The following PEAK1 variants were observed in gnomAD, a reference collection of about 807,000 sequenced individuals.
PEAK1 encodes the protein inactive tyrosine-protein kinase PEAK1.
A neutral mutation model predicts 124.7 loss-of-function variants in PEAK1; 54 were observed. That is an observed-to-expected ratio of 0.43 (90% confidence interval 0.35 to 0.54). PEAK1 has a LOEUF of 0.54. Among genes scored for constraint, PEAK1 ranks in the 20% least tolerant of loss-of-function variants. The pLI is 0.01. For missense variants in PEAK1, 2,046 were observed against 2,134.5 expected, an observed-to-expected ratio of 0.96 and a Z score of 0.82; for synonymous variants, 719 against 760.0, an observed-to-expected ratio of 0.95 and a Z score of 0.89.
intron 6 of PEAK1, among the ~76,000 whole-genome samples, chr15:77,198,674 G>A (rs1344577820): frequency 1.3e-5 from 2 of 152,252 alleles, no homozygotes; most frequent in East Asian, 3.9e-4. Flanking sequence ...TATAAGAAAG[G>A]TATACTTAGA....
intron 7 of PEAK1, among the ~76,000 whole-genome samples, chr15:77,159,111 G>C (rs1475181921): frequency 2.6e-5 from 4 of 152,100 alleles, no homozygotes; most frequent in Non-Finnish European, 5.9e-5. Context: ...TTACTACATA[G>C]TTTTAATTTA....
intron 6 of PEAK1, among the ~76,000 whole-genome samples, chr15:77,234,782 T>C (rs1223318128): frequency 2.0e-5 from 3 of 152,084 alleles, no homozygotes; most frequent in African/African-American, 2.4e-5. Context: ...ACTACAGGTA[T>C]GGACCACCAT....
chr15:77,343,841 A>G (rs2066701622), intron 2 of PEAK1, among the ~76,000 whole-genome samples: 1 of 152,120 alleles, frequency 6.6e-6, no homozygotes, highest in African/African-American at 2.4e-5. Flanking sequence ...AGAAATCACT[A>G]CAAATTCAAT....
chr15:77,162,819 A>G (rs555708094), intron 7 of PEAK1, among the ~76,000 whole-genome samples: 1 of 152,336 alleles, frequency 6.6e-6, no homozygotes, highest in African/African-American at 2.4e-5. Flanking sequence ...GATGGTAAAA[A>G]AATTATTTAG....
At chr15:77,262,726 T>C (rs2061506698) in intron 5 of PEAK1, among the ~76,000 whole-genome samples, 1 of 151,304 alleles carries the variant, frequency 6.6e-6, no homozygotes, top group Non-Finnish European at 1.5e-5. Flanking sequence ...TACGCAGGAA[T>C]TGAACTCAGC....
At chr15:77,252,935 C>G (rs2060945133) in intron 5 of PEAK1, among the ~76,000 whole-genome samples, 1 of 152,192 alleles carries the variant, frequency 6.6e-6, no homozygotes, top group Admixed American at 6.5e-5. Context: ...ATATTGAAAG[C>G]AGGTATCTCC....
At position 77,381,120 on chromosome 15, in the gene PEAK1, T is replaced by C. The variant is rs183053180; in HGVS notation, c.-665-15895A>G. 15 of 712,568 alleles carry C rather than the reference T, an allele frequency of 2.1e-5. No homozygotes were observed. The African/African-American group carries it at 2.3e-4, about 11-fold the overall frequency. 44.1% of individuals were successfully genotyped at this position (712,568 alleles called of 1,614,324 possible). On this transcript the variant is annotated intron_variant, in intron 1 of 9. Transcript: ENST00000682557. Reference sequence around the variant, plus strand: ...GAACCCAAACAGCAAAATGCTACTATGGAGTTTTAAATAATGGAGTAACAT... The same window carrying C: ...GAACCCAAACAGCAAAATGCTACTACGGAGTTTTAAATAATGGAGTAACAT...
intron 2 of PEAK1, among the ~76,000 whole-genome samples, chr15:77,344,096 G>GT (rs967376767): frequency 2.0e-5 from 3 of 151,960 alleles, no homozygotes; most frequent in Admixed American, 1.3e-4. Context: ...TTGGCTGTCT[G>GT]TTTTTTTGTT....
At position 77,112,538 on chromosome 15, in the gene PEAK1, C is replaced by A. The variant is rs767872096; in HGVS notation, c.*1618G>T. The stretch of plus-strand genomic sequence containing the variant: ...CCTCTACTTCCAGCATGCGTGTGCA[C>A]GCACACATGGGCACACAAGTGTACA... On this transcript the variant is annotated 3_prime_UTR_variant, in exon 10 of 10. Transcript: ENST00000682557. 6.6e-6 allele frequency: 1 copy of A among 152,250 alleles called. No homozygotes were observed. Among genetic ancestry groups the A allele is most frequent in the Non-Finnish European group, 1.5e-5 (1 of 68,052 alleles). 9.4% of individuals were successfully genotyped at this position (152,250 alleles called of 1,614,324 possible).
chr15:77,302,426 C>A (rs761650327), intron 2 of PEAK1, among the ~76,000 whole-genome samples: 3 of 152,140 alleles, frequency 2.0e-5, no homozygotes, highest in Non-Finnish European at 2.9e-5. Context: ...TTACCTGTAA[C>A]CAACACTACA....
downstream of PEAK1, chr15:77,107,985 T>C (rs1417449091): frequency 6.6e-6 from 1 of 152,248 alleles, no homozygotes; most frequent in Non-Finnish European, 1.5e-5. Flanking sequence ...ATAATCCATG[T>C]CAGCAGGGGA....
rs181691533 is a variant in PEAK1 at position 77,195,440 on chromosome 15, C to T, written c.-114-13400G>A. 1.2e-4 allele frequency among the ~76,000 whole-genome samples: 18 copies of T among 152,002 alleles called. No individual in the cohort carries two copies. In the East Asian group the frequency reaches 3.3e-3, roughly 28 times the overall value. On this transcript the variant is annotated intron_variant, in intron 6 of 9. Transcript: ENST00000682557. Reference sequence around the variant, plus strand: ...AGAAGGTGAGAGAAAAAGAAATGAACCCAAAATAAATAAAAGGTAGGAGGA... The same window carrying T: ...AGAAGGTGAGAGAAAAAGAAATGAATCCAAAATAAATAAAAGGTAGGAGGA...
In PEAK1 at chr15:77,272,435, G is replaced by A. The variant is rs961386184; in HGVS notation, c.-275+11448C>T. On this transcript the variant is annotated intron_variant, in intron 5 of 9. Coordinates refer to ENST00000682557, the MANE Select transcript of PEAK1 (RefSeq NM_001385026.1). ...TAGAAACAAAATGGGAGATATAACA[G>A]CCAATACCAAAGAAATACAAAATAT... Among the ~76,000 whole-genome samples, 5 of 152,052 alleles carry A rather than the reference G, an allele frequency of 3.3e-5. No individual in the cohort carries two copies. The South Asian group carries it at 6.2e-4, about 19-fold the overall frequency.
intron 8 of PEAK1, among the ~76,000 whole-genome samples, chr15:77,141,285 T>C (rs1239826816): frequency 1.3e-5 from 2 of 152,190 alleles, no homozygotes; most frequent in African/African-American, 4.8e-5. Flanking sequence ...AAGACAATTC[T>C]ATTTACAACA....
chr15:77,152,233 T>G (rs1358072397), intron 8 of PEAK1, among the ~76,000 whole-genome samples: 1 of 152,162 alleles, frequency 6.6e-6, no homozygotes, highest in Non-Finnish European at 1.5e-5. Flanking sequence ...CCTAGGTATT[T>G]TATTCTCTTT....
At chr15:77,391,934 C>T (rs531028368) in intron 1 of PEAK1, among the ~76,000 whole-genome samples, 17 of 152,150 alleles carry the variant, frequency 1.1e-4, no homozygotes, top group Non-Finnish European at 2.1e-4. Flanking sequence ...GAATGTGAAG[C>T]GTGATGAACC....
intron 2 of PEAK1, among the ~76,000 whole-genome samples, chr15:77,319,498 G>A (rs1189841354): frequency 6.6e-6 from 1 of 152,148 alleles, no homozygotes; most frequent in Non-Finnish European, 1.5e-5. Context: ...CTGCCAGACA[G>A]GAAATTTCTG....
intron 5 of PEAK1, among the ~76,000 whole-genome samples, chr15:77,270,532 C>T (rs1297163982): frequency 1.3e-5 from 2 of 152,102 alleles, no homozygotes. Context: ...TTCACAATTG[C>T]TTCAAAGAGA....
At chr15:77,388,921 C>T (rs1477215668) in intron 1 of PEAK1, among the ~76,000 whole-genome samples, 1 of 149,100 alleles carries the variant, frequency 6.7e-6, no homozygotes, top group African/African-American at 2.5e-5. Flanking sequence ...ACTTAACTTT[C>T]TTCATACCTT....
Sources: allele counts gnomAD v4.1 joint callset (sites outside exome capture counted in the v4.1 genomes callset), GRCh38; gene constraint gnomAD v4.1.1; transcripts MANE v1.5; gene names NCBI Gene and HGNC (gene_info 2026-07-23, HGNC 2026-07-21).